RAB8B: variants seen among roughly 807,000 people sequenced by gnomAD.
RAB8B encodes the protein RAB8B, member RAS oncogene family.
Under a neutral mutation model 32.0 loss-of-function variants are expected in RAB8B, and 11 were observed. That is an observed-to-expected ratio of 0.34 (90% confidence interval 0.22 to 0.57). RAB8B has a LOEUF of 0.57. Among genes scored for constraint, RAB8B ranks in the 20% least tolerant of loss-of-function variants. RAB8B has a pLI of 0.86. For synonymous variants in RAB8B, 103 were observed against 89.6 expected, an observed-to-expected ratio of 1.15 and a Z score of -0.85; for missense variants, 190 against 258.5, an observed-to-expected ratio of 0.73 and a Z score of 1.82.
intron 1 of RAB8B, among the ~76,000 whole-genome samples, chr15:63,232,543 A>T (rs954334017): frequency 2.0e-5 from 3 of 152,224 alleles, no homozygotes; most frequent in African/African-American, 7.2e-5. Flanking sequence ...GAAAATTCTG[A>T]AACAGTGTAA....
chr15:63,234,288 C>G (rs1046583167), intron 1 of RAB8B, among the ~76,000 whole-genome samples: 3 of 152,216 alleles, frequency 2.0e-5, no homozygotes, highest in African/African-American at 7.2e-5. Context: ...CACACTCCAG[C>G]AATGGTATCC....
chr15:63,263,252 A>G (rs2038216794), intron 7 of RAB8B, among the ~76,000 whole-genome samples: 1 of 152,166 alleles, frequency 6.6e-6, no homozygotes, highest in Non-Finnish European at 1.5e-5. Context: ...TTTACACTCC[A>G]TTGGAACTAG....
At chr15:63,204,851 A>T (rs185742956) in intron 1 of RAB8B, among the ~76,000 whole-genome samples, 2 of 152,352 alleles carry the variant, frequency 1.3e-5, no homozygotes, top group African/African-American at 4.8e-5. Flanking sequence ...CCTCCATTTA[A>T]CACTTTTTCT....
chr15:63,262,655 A>C, intron 6 of RAB8B, 37 bp from the exon 7 acceptor site: 1 of 760,982 alleles, frequency 1.3e-6, no homozygotes, highest in Non-Finnish European at 1.9e-6. Context: ...ATATATAGTG[A>C]ATATATAATA....
At chr15:63,262,605 C>A in intron 6 of RAB8B, 87 bp from the exon 7 acceptor site, 1 of 425,758 alleles carries the variant, frequency 2.3e-6, no homozygotes, top group South Asian at 7.4e-5. Flanking sequence ...ATCTCTGAGG[C>A]GGGGGGAATA....
chr15:63,240,812 A>C (rs1595746019), intron 1 of RAB8B, among the ~76,000 whole-genome samples: 1 of 151,530 alleles, frequency 6.6e-6, no homozygotes, highest in African/African-American at 2.4e-5. Context: ...CTAACAAAAA[A>C]AAAAAAAAAA....
chr15:63,201,915 T>G (rs962964516), intron 1 of RAB8B, among the ~76,000 whole-genome samples: 1 of 151,896 alleles, frequency 6.6e-6, no homozygotes, highest in African/African-American at 2.4e-5. Context: ...CAGGACTCTG[T>G]GTGTTGGGCA....
At position 63,259,160 on chromosome 15, in the gene RAB8B, C is replaced by G. The variant is rs2152584480; in HGVS notation, c.415-467C>G. 6.6e-6 allele frequency among the ~76,000 whole-genome samples: 1 copy of G among 152,270 alleles called. No homozygotes were observed. The highest frequency in any genetic ancestry group is 2.1e-4 in the South Asian group (1 of 4,824). ...TTTGAGACAGAGTCTCGCTCTGTCA[C>G]CTGGACTGGAGTGCAGTGGTGCGAT... On this transcript the variant is annotated intron_variant, in intron 5 of 7. Coordinates refer to ENST00000321437, the MANE Select transcript of RAB8B (RefSeq NM_016530.3). The surrounding 1 kb of genome is among the most constrained non-coding windows in gnomAD (Gnocchi z 4.4).
intron 7 of RAB8B, 29 bp downstream of exon 7, chr15:63,262,771 A>C (rs1311399552): frequency 8.3e-7 from 1 of 1,209,612 alleles, no homozygotes. Context: ...TTTTATTTCC[A>C]TTATGCTGTC....
At chr15:63,197,519 G>A (rs1433025053) in intron 1 of RAB8B, among the ~76,000 whole-genome samples, 1 of 151,544 alleles carries the variant, frequency 6.6e-6, no homozygotes, top group Non-Finnish European at 1.5e-5. Context: ...GACCCCGGGT[G>A]CACACTACCA....
chr15:63,197,220 G>A (rs2037607732), intron 1 of RAB8B, among the ~76,000 whole-genome samples: 1 of 151,468 alleles, frequency 6.6e-6, no homozygotes, highest in Non-Finnish European at 1.5e-5. Context: ...AATAGCATAT[G>A]TCTATAGTAC....
chr15:63,197,224 A>G (rs192913026), intron 1 of RAB8B, among the ~76,000 whole-genome samples: 175 of 151,786 alleles, frequency 1.2e-3, no homozygotes, highest in Non-Finnish European at 1.5e-3. Context: ...GCATATGTCT[A>G]TAGTACTGAT....
intron 1 of RAB8B, among the ~76,000 whole-genome samples, chr15:63,237,081 A>G (rs902296881): frequency 6.6e-6 from 1 of 152,164 alleles, no homozygotes; most frequent in Non-Finnish European, 1.5e-5. Context: ...ACAGGATCTC[A>G]TTCTTTTTAT....
At chr15:63,200,970 G>A (rs1030717837) in intron 1 of RAB8B, among the ~76,000 whole-genome samples, 2 of 152,038 alleles carry the variant, frequency 1.3e-5, no homozygotes, top group Non-Finnish European at 2.9e-5. Flanking sequence ...GTATATATTC[G>A]GCCCTTGATT....
chr15:63,227,558 T>C (rs1227828664), intron 1 of RAB8B, among the ~76,000 whole-genome samples: 2 of 152,258 alleles, frequency 1.3e-5, no homozygotes, highest in Non-Finnish European at 2.9e-5. Context: ...TACAAGTTGA[T>C]GTTCAATTTT....
intron 1 of RAB8B, among the ~76,000 whole-genome samples, chr15:63,199,059 G>T (rs1289141793): frequency 6.6e-6 from 1 of 152,102 alleles, no homozygotes; most frequent in Non-Finnish European, 1.5e-5. Context: ...GATACAGCAT[G>T]GAAAACAATT....
chr15:63,244,982 C>CCCA (rs2038060031), intron 2 of RAB8B, among the ~76,000 whole-genome samples, 166 bp downstream of exon 2: 4 of 152,240 alleles, frequency 2.6e-5, no homozygotes, highest in Admixed American at 2.6e-4. Flanking sequence ...AAGGTATCTT[C>CCCA]ACCAAGAGTT....
intron 1 of RAB8B, among the ~76,000 whole-genome samples, chr15:63,244,263 T>C (rs969282877): frequency 2.6e-5 from 4 of 152,212 alleles, no homozygotes; most frequent in African/African-American, 9.7e-5. Flanking sequence ...CTGTTTAAAA[T>C]AGATATGCAG....
intron 1 of RAB8B, among the ~76,000 whole-genome samples, chr15:63,231,953 A>G (rs912521319): frequency 6.6e-6 from 1 of 152,312 alleles, no homozygotes; most frequent in South Asian, 2.1e-4. Flanking sequence ...TTTCCTTTTC[A>G]AAGTGCAAGA....
Sources: allele counts gnomAD v4.1 joint callset (sites outside exome capture counted in the v4.1 genomes callset), GRCh38; gene constraint gnomAD v4.1.1; non-coding constraint Gnocchi (gnomAD v3.1); transcripts MANE v1.5; gene names NCBI Gene and HGNC (gene_info 2026-07-23, HGNC 2026-07-21).